Variants in COLEC10 observed in about 807,000 individuals in gnomAD.
The protein encoded by COLEC10 is collectin-10.
A neutral mutation model predicts 28.4 loss-of-function variants in COLEC10; 22 were observed. The observed-to-expected ratio is 0.78, with a 90% CI of 0.55 to 1.11. COLEC10 has a LOEUF of 1.11. Ranked by LOEUF, COLEC10 falls within the 50% of genes least tolerant of loss-of-function variation. The pLI, the probability that COLEC10 is intolerant of heterozygous loss-of-function variation, is 0.00. For missense variants in COLEC10, 361 were observed against 344.1 expected (o/e 1.05, Z -0.39); for synonymous variants, 125 against 116.1 (o/e 1.08, Z -0.49).
intron 2 of COLEC10, among the ~76,000 whole-genome samples, chr8:119,029,321 C>T (rs1447152259): frequency 6.6e-6 from 1 of 152,182 alleles, no homozygotes; most frequent in Non-Finnish European, 1.5e-5. Flanking sequence ...GAAGCCAGCA[C>T]AATCATCTGG....
Position 119,013,131 on chromosome 8 carries a change from C to T in COLEC10, n.235+3578C>T, listed in dbSNP as rs144838178. 3.3e-3 allele frequency among the ~76,000 whole-genome samples: 499 copies of T among 150,382 alleles called. 29 individuals carry two copies. The highest frequency in any genetic ancestry group is 0.011 in the African/African-American group (463 of 40,280). ...TTCCTTCTAAGCACTGCTTTTGTGG[C>T]ATTCCATGAATTGAATTTTGACAAG... On this transcript the variant is annotated intron_variant and non_coding_transcript_variant, in intron 2 of 6. Coordinates refer to the COLEC10 transcript ENST00000521788.
At chr8:119,067,988 C>A (rs1815007140) in intron 1 of COLEC10, 1 of 151,420 alleles carries the variant, frequency 6.6e-6, no homozygotes, top group Non-Finnish European at 1.5e-5. Context: ...GTCTCTGGGG[C>A]CAAATGCCTT....
intron 2 of COLEC10, among the ~76,000 whole-genome samples, chr8:119,037,927 C>T (rs1814419543): frequency 6.6e-6 from 1 of 152,106 alleles, no homozygotes; most frequent in African/African-American, 2.4e-5. Flanking sequence ...TGTCTAACTG[C>T]CTAAAGGGCT....
At chr8:118,984,795 A>G in the COLEC10 span, among the ~76,000 whole-genome samples, 1 of 152,250 alleles carries the variant, frequency 6.6e-6, no homozygotes, top group South Asian at 2.1e-4. Flanking sequence ...CAAAGAAAAG[A>G]GGTTTAATAG....
intron 1 of COLEC10, among the ~76,000 whole-genome samples, chr8:119,071,658 T>C (rs887192562): frequency 2.0e-5 from 3 of 152,168 alleles, no homozygotes; most frequent in African/African-American, 7.2e-5. Context: ...ATATCTTGTG[T>C]ATTGATGCAT....
At chr8:119,058,193 C>T (rs1011278148) in intron 2 of COLEC10, among the ~76,000 whole-genome samples, 2 of 151,932 alleles carry the variant, frequency 1.3e-5, no homozygotes, top group African/African-American at 2.4e-5. Flanking sequence ...AAACACTACT[C>T]GAGAATTATA....
the COLEC10 span, among the ~76,000 whole-genome samples, chr8:118,952,711 T>C: frequency 1.3e-5 from 2 of 152,194 alleles, no homozygotes; most frequent in African/African-American, 4.8e-5. Context: ...CAAAGGGCTA[T>C]TGGTATCGGA....
chr8:119,093,348 G>A (rs536730518), intron 3 of COLEC10, among the ~76,000 whole-genome samples: 37 of 152,198 alleles, frequency 2.4e-4, no homozygotes, highest in Non-Finnish European at 4.1e-4. Context: ...CGGAGGCAGG[G>A]ATGAAGGGCA....
intron 4 of COLEC10, 94 bp downstream of exon 4, chr8:119,102,495 C>A: frequency 9.5e-7 from 1 of 1,050,210 alleles, no homozygotes; most frequent in South Asian, 1.5e-5. Flanking sequence ...AGCAAGAGTC[C>A]TTTTAGTATG....
chr8:118,989,184 C>T, the COLEC10 span, among the ~76,000 whole-genome samples: 1 of 152,014 alleles, frequency 6.6e-6, no homozygotes, highest in Admixed American at 6.6e-5. Context: ...AATGTAAATG[C>T]TAGAAATCAA....
At chr8:119,001,550 A>G (rs932682139) in intron 1 of COLEC10, among the ~76,000 whole-genome samples, 1 of 152,166 alleles carries the variant, frequency 6.6e-6, no homozygotes, top group Non-Finnish European at 1.5e-5. Flanking sequence ...TGTGGCAACT[A>G]TAATAGGCTT....
the COLEC10 span, among the ~76,000 whole-genome samples, chr8:118,969,903 G>A: frequency 1.3e-5 from 2 of 151,792 alleles, no homozygotes; most frequent in Non-Finnish European, 2.9e-5. Context: ...AGAAATAATT[G>A]GCAGGTCACT....
chr8:119,100,687 T>A (rs1815808914), intron 3 of COLEC10, among the ~76,000 whole-genome samples: 1 of 152,200 alleles, frequency 6.6e-6, no homozygotes. Context: ...TGAAGCACTA[T>A]CTCTTCTGCC....
At position 119,057,271 on chromosome 8, in the gene COLEC10, T is replaced by C. The variant is rs145480389; in HGVS notation, n.236-32409T>C. Among the ~76,000 whole-genome samples the C allele has an allele frequency of 7.2e-5, 11 of 152,242 alleles. No individual in the cohort carries two copies. In the East Asian group the frequency reaches 2.1e-3, roughly 29 times the overall value. On this transcript the variant is annotated intron_variant and non_coding_transcript_variant, in intron 2 of 6. Transcript: ENST00000521788. Reference sequence around the variant, plus strand: ...GCCTCCTTGTGAAGAAAGTACTTGCTTCTCCTTCACCTTCCACCATGATTG... The same window carrying C: ...GCCTCCTTGTGAAGAAAGTACTTGCCTCTCCTTCACCTTCCACCATGATTG...
intron 1 of COLEC10, among the ~76,000 whole-genome samples, chr8:119,004,289 C>G (rs1047519689): frequency 6.6e-6 from 1 of 151,868 alleles, no homozygotes; most frequent in African/African-American, 2.4e-5. Context: ...AAAAAATAAC[C>G]TAATAACAAT....
chr8:118,993,351 T>C (rs115257295), upstream of COLEC10, among the ~76,000 whole-genome samples: 1,105 of 152,010 alleles, frequency 7.3e-3, 10 homozygotes, highest in African/African-American at 0.025. Flanking sequence ...TGTTTGTTTA[T>C]GTTTCATTTT....
chr8:118,959,158 G>A, the COLEC10 span, among the ~76,000 whole-genome samples: 1 of 152,146 alleles, frequency 6.6e-6, no homozygotes, highest in Non-Finnish European at 1.5e-5. Context: ...AGTTCCAACA[G>A]GCAAGCACAG....
At chr8:119,031,853 A>T (rs1164714272) in intron 2 of COLEC10, among the ~76,000 whole-genome samples, 1 of 152,192 alleles carries the variant, frequency 6.6e-6, no homozygotes, top group African/African-American at 2.4e-5. Flanking sequence ...AATGTAACTT[A>T]ATGTCACATC....
the COLEC10 span, among the ~76,000 whole-genome samples, chr8:118,971,162 G>A: frequency 6.6e-6 from 1 of 151,890 alleles, no homozygotes; most frequent in Admixed American, 6.6e-5. Flanking sequence ...ATCTTGATAG[G>A]GTTTCAGACA....
Sources: allele counts gnomAD v4.1 joint callset (sites outside exome capture counted in the v4.1 genomes callset), GRCh38; gene constraint gnomAD v4.1.1; transcripts MANE v1.5; gene names NCBI Gene and HGNC (gene_info 2026-07-23, HGNC 2026-07-21).